The following ZNF385D variants were observed in gnomAD, a reference collection of about 807,000 sequenced individuals.
ZNF385D encodes zinc finger protein 659.
ZNF385D carries 15 observed loss-of-function variants against 35.8 expected under a neutral mutation model. The ratio of observed to expected loss-of-function variants is 0.42; its 90% CI spans 0.28 to 0.64. ZNF385D has a LOEUF of 0.64. Ranked by LOEUF, ZNF385D falls within the 30% of genes least tolerant of loss-of-function variation. The pLI, the probability that ZNF385D is intolerant of heterozygous loss-of-function variation, is 0.23. For missense variants in ZNF385D, 474 were observed against 494.6 expected, an observed-to-expected ratio of 0.96 and a Z score of 0.39; for synonymous variants, 212 against 186.8, an observed-to-expected ratio of 1.13 and a Z score of -1.10.
intron 3 of ZNF385D, among the ~76,000 whole-genome samples, chr3:21,536,352 A>T (rs1463224971): frequency 1.3e-5 from 2 of 152,094 alleles, no homozygotes; most frequent in African/African-American, 4.8e-5. Flanking sequence ...AGAAGACCAC[A>T]TTCCTTTACC....
intron 3 of ZNF385D, among the ~76,000 whole-genome samples, chr3:22,070,936 A>T (rs1183589130): frequency 6.6e-6 from 1 of 152,190 alleles, no homozygotes; most frequent in African/African-American, 2.4e-5. Context: ...TCTTATTAAC[A>T]GTATAGGTGT....
At chr3:21,753,789 TTGTG>T (rs145331908), upstream of ZNF385D, among the ~76,000 whole-genome samples, 11,891 of 124,630 alleles carry the variant, frequency 0.095, 632 homozygotes, top group South Asian at 0.19. Flanking sequence ...GTTGTTGTTG[TTGTG>T]TGTGTGTGTG....
Position 21,539,803 on chromosome 3 carries a change from T to C in ZNF385D, c.276+24771A>G, listed in dbSNP as rs935147320. Among the ~76,000 whole-genome samples, 1 of 152,158 alleles carries C rather than the reference T, an allele frequency of 6.6e-6. No homozygotes were observed. Among genetic ancestry groups the C allele is most frequent in the African/African-American group, 2.4e-5 (1 of 41,456 alleles). On this transcript the variant is annotated intron_variant, in intron 3 of 7. Transcript: ENST00000281523. This position sits in a 1 kb window ranked among gnomAD's most constrained non-coding sequence, Gnocchi z 4.0. ...CTGATAATGCTACGGTCTTAAGAAA[T>C]ATGGGTTGGCTTGGAGAAATAAGAA...
At chr3:21,559,111 A>G (rs571537033) in intron 3 of ZNF385D, among the ~76,000 whole-genome samples, 13 of 150,614 alleles carry the variant, frequency 8.6e-5, no homozygotes, top group Admixed American at 4.0e-4. Context: ...GGTTCTTGAC[A>G]CTCTATCCAA....
rs1415556229 is a variant in ZNF385D at position 21,694,067 on chromosome 3, A to G, written c.23-29039T>C. Among the ~76,000 whole-genome samples the G allele has an allele frequency of 7.1e-3, 117 of 16,390 alleles. 2 individuals carry two copies. Among genetic ancestry groups the G allele is most frequent in the African/African-American group, 0.04 (107 of 2,700 alleles). 10.8% of individuals were successfully genotyped at this position (16,390 alleles called of 152,430 possible). A position where few individuals can be genotyped will look rare whatever the true frequency, so the allele number is the denominator to read the frequency against. The stretch of plus-strand genomic sequence containing the variant: ...CTTTTTTTTTTTTTTTTTTTGAGAC[A>G]GAGTCTCGCTCTGTCGCCCAGGCCG... On this transcript the variant is annotated intron_variant, in intron 1 of 7. Transcript: ENST00000281523.
At chr3:22,161,794 T>C (rs529134077) in intron 3 of ZNF385D, among the ~76,000 whole-genome samples, 2 of 152,290 alleles carry the variant, frequency 1.3e-5, no homozygotes, top group South Asian at 4.1e-4. Context: ...TGTAATAATA[T>C]AAGTGATTTA....
chr3:21,710,487 C>G (rs868663378), intron 1 of ZNF385D, among the ~76,000 whole-genome samples: 1 of 152,194 alleles, frequency 6.6e-6, no homozygotes, highest in South Asian at 2.1e-4. Flanking sequence ...TTGTGTTTTT[C>G]ATAATCCTCC....
chr3:21,927,670 A>T (rs1164184323), intron 3 of ZNF385D, among the ~76,000 whole-genome samples: 1 of 152,230 alleles, frequency 6.6e-6, no homozygotes, highest in Admixed American at 6.5e-5. Context: ...TGTAAACATA[A>T]TAGAGCTAGA....
At chr3:21,971,760 G>C (rs936886351) in intron 3 of ZNF385D, among the ~76,000 whole-genome samples, 1 of 151,338 alleles carries the variant, frequency 6.6e-6, no homozygotes, top group Non-Finnish European at 1.5e-5. Flanking sequence ...TGAAAATAAA[G>C]GGATGAAAAA....
intron 3 of ZNF385D, among the ~76,000 whole-genome samples, chr3:21,951,796 C>A (rs992596584): frequency 6.6e-6 from 1 of 151,522 alleles, no homozygotes; most frequent in Non-Finnish European, 1.5e-5. Flanking sequence ...AAATTATTGG[C>A]TTAAAGGTAG....
At chr3:21,497,546 T>A (rs1293624905) in intron 4 of ZNF385D, among the ~76,000 whole-genome samples, 1 of 152,150 alleles carries the variant, frequency 6.6e-6, no homozygotes, top group African/African-American at 2.4e-5. Context: ...TTAAAAAAAT[T>A]TTTTTTAAAT....
In ZNF385D at chr3:21,983,433, C is replaced by T. The variant is rs555238708; in HGVS notation, c.325+185384G>A. Among the ~76,000 whole-genome samples the T allele has an allele frequency of 7.7e-3, 809 of 105,482 alleles. 4 individuals are homozygous for T. Among genetic ancestry groups the T allele is most frequent in the Middle Eastern group, 0.019 (4 of 212 alleles). 69.2% of individuals were successfully genotyped at this position (105,482 alleles called of 152,430 possible). ...TGCGGTGTTTGGTTTTTTGTTCTTG[C>T]GATAGTTTACTGAGAATGATGGTTT... On this transcript the variant is annotated intron_variant, in intron 3 of 5. Coordinates refer to the ZNF385D transcript ENST00000494108.
At chr3:21,941,845 G>C (rs544407424) in intron 3 of ZNF385D, among the ~76,000 whole-genome samples, 45 of 152,014 alleles carry the variant, frequency 3.0e-4, no homozygotes, top group African/African-American at 8.9e-4. Context: ...TTAATTTGAG[G>C]CAACTAAATC....
chr3:22,013,617 G>A (rs1696708675), intron 3 of ZNF385D, among the ~76,000 whole-genome samples: 1 of 152,118 alleles, frequency 6.6e-6, no homozygotes, highest in Admixed American at 6.6e-5. Flanking sequence ...CGACCACTAG[G>A]ATTAGGTAGA....
chr3:21,968,943 T>C (rs893126006), intron 3 of ZNF385D, among the ~76,000 whole-genome samples: 61 of 152,316 alleles, frequency 4.0e-4, no homozygotes, highest in African/African-American at 1.5e-3. Context: ...CTGGCCAAGC[T>C]GCTGGATGAT....
chr3:22,099,104 G>C (rs555977522), intron 3 of ZNF385D, among the ~76,000 whole-genome samples: 4 of 151,960 alleles, frequency 2.6e-5, no homozygotes, highest in Admixed American at 2.6e-4. Context: ...AATAAAATAT[G>C]GTATTCTTAA....
At chr3:22,126,829 T>A (rs1703459906) in intron 3 of ZNF385D, among the ~76,000 whole-genome samples, 1 of 152,130 alleles carries the variant, frequency 6.6e-6, no homozygotes, top group African/African-American at 2.4e-5. Context: ...TCTAATAGTA[T>A]TTGTTTTCTA....
chr3:22,184,795 T>G (rs1695517495), intron 2 of ZNF385D, among the ~76,000 whole-genome samples: 1 of 152,086 alleles, frequency 6.6e-6, no homozygotes, highest in African/African-American at 2.4e-5. Flanking sequence ...AGAGTGAAAC[T>G]ACGTCTCAAA....
At chr3:21,701,360 G>A (rs892399333) in intron 1 of ZNF385D, among the ~76,000 whole-genome samples, 18 of 152,056 alleles carry the variant, frequency 1.2e-4, no homozygotes, top group African/African-American at 1.2e-4. Context: ...GTCAGATCTC[G>A]TGAGACTTAT....
Sources: gnomAD v4.1 joint callset for allele counts (sites outside exome capture counted in the v4.1 genomes callset) on GRCh38, gnomAD v4.1.1 for gene constraint, Gnocchi (gnomAD v3.1) non-coding constraint, MANE v1.5 for transcripts, NCBI Gene and HGNC (gene_info 2026-07-23, HGNC 2026-07-21) for gene names.